NAALADL2: variants seen among roughly 807,000 people sequenced by gnomAD.
NAALADL2 encodes the protein inactive N-acetylated-alpha-linked acidic dipeptidase-like protein 2.
In NAALADL2, 76 loss-of-function variants were observed where a neutral mutation model predicts 87.2. That is an observed-to-expected ratio of 0.87 (90% CI 0.72 to 1.05). The LOEUF is 1.05. Ranked by LOEUF, NAALADL2 falls within the 50% of genes least tolerant of loss-of-function variation. The pLI is 0.00. For missense variants in NAALADL2, 1,089 were observed against 945.8 expected (o/e 1.15, Z -1.99); for synonymous variants, 354 against 331.0 (o/e 1.07, Z -0.75).
At chr3:175,604,626 A>G (rs1011707734) in intron 10 of NAALADL2, among the ~76,000 whole-genome samples, 11 of 152,010 alleles carry the variant, frequency 7.2e-5, no homozygotes, top group Middle Eastern at 6.8e-3. Context: ...AAGTCTTCCC[A>G]TTTCTTCTAC....
chr3:175,209,140 G>C (rs928373839), intron 2 of NAALADL2, among the ~76,000 whole-genome samples: 1 of 152,084 alleles, frequency 6.6e-6, no homozygotes, highest in Non-Finnish European at 1.5e-5. Flanking sequence ...GTAGGGAAAA[G>C]AACGTAAAAT....
At chr3:175,524,926 T>C (rs1192876021) in intron 9 of NAALADL2, among the ~76,000 whole-genome samples, 1 of 152,062 alleles carries the variant, frequency 6.6e-6, no homozygotes, top group Non-Finnish European at 1.5e-5. Context: ...GATAGAGAAA[T>C]ATACTAACTC....
chr3:175,591,540 C>T (rs114323632), intron 10 of NAALADL2, among the ~76,000 whole-genome samples: 1,694 of 151,792 alleles, frequency 0.011, 29 homozygotes, highest in African/African-American at 0.037. Context: ...GCATTAAGAA[C>T]AGATAAAGCT....
intron 9 of NAALADL2, among the ~76,000 whole-genome samples, chr3:175,574,487 C>G (rs893133804): frequency 6.6e-6 from 1 of 152,104 alleles, no homozygotes; most frequent in Non-Finnish European, 1.5e-5. Flanking sequence ...GTTTTCTATG[C>G]CCCAAACGAG....
intron 8 of NAALADL2, among the ~76,000 whole-genome samples, 182 bp downstream of exon 8, chr3:175,467,366 G>C (rs568051305): frequency 1.4e-5 from 2 of 148,112 alleles, no homozygotes; most frequent in Admixed American, 1.3e-4. Flanking sequence ...AGCAAACTAC[G>C]TATGACCTTC....
chr3:174,657,080 A>T (rs1251997985), intron 2 of NAALADL2, among the ~76,000 whole-genome samples: 1 of 112,144 alleles, frequency 8.9e-6, no homozygotes, highest in Non-Finnish European at 1.6e-5. Context: ...CCTAGATTGG[A>T]GTTCAACGGT....
rs1444856389 is a variant in NAALADL2, at chr3:175,013,133, T to C, written c.44-83657T>C. On this transcript the variant is annotated intron_variant, in intron 1 of 13. Transcript: ENST00000454872. Reference sequence around the variant, plus strand: ...TTATATATAAATATACATATTTATATATAAATATGTAATACATATTTATAT... The same window carrying C: ...TTATATATAAATATACATATTTATACATAAATATGTAATACATATTTATAT... 2.1e-4 allele frequency among the ~76,000 whole-genome samples: 21 copies of C among 99,836 alleles called. 3 individuals carry two copies. The highest frequency in any genetic ancestry group is 1.0e-3 in the East Asian group (4 of 3,958). The allele number at this position is 99,836 out of a possible 152,430, so 65.5% of individuals were successfully genotyped here.
chr3:174,556,277 C>G (rs973914948), intron 2 of NAALADL2, among the ~76,000 whole-genome samples: 2 of 152,036 alleles, frequency 1.3e-5, no homozygotes, highest in Non-Finnish European at 1.5e-5. Flanking sequence ...ACTATCTACT[C>G]TTGTTTTATC....
intron 1 of NAALADL2, among the ~76,000 whole-genome samples, chr3:174,458,247 A>G (rs1284086315): frequency 6.6e-6 from 1 of 152,190 alleles, no homozygotes; most frequent in African/African-American, 2.4e-5. Flanking sequence ...CCTACATTAC[A>G]TTGAGTGTCT....
chr3:174,605,473 AC>A (rs1051312279), intron 2 of NAALADL2, among the ~76,000 whole-genome samples: 42 of 152,308 alleles, frequency 2.8e-4, no homozygotes, highest in African/African-American at 1.0e-3. Context: ...CGAATACTGC[AC>A]TTTTCCGATG....
chr3:175,345,924 T>C (rs1763107124), intron 5 of NAALADL2, among the ~76,000 whole-genome samples: 1 of 152,130 alleles, frequency 6.6e-6, no homozygotes, highest in Admixed American at 6.6e-5. Flanking sequence ...AATACTGTCT[T>C]TGAAAATTTA....
chr3:175,625,053 A>C (rs1726790063), intron 10 of NAALADL2, among the ~76,000 whole-genome samples: 1 of 152,006 alleles, frequency 6.6e-6, no homozygotes, highest in African/African-American at 2.4e-5. Flanking sequence ...ATCTCTTCCA[A>C]GTCTAAAATA....
intron 1 of NAALADL2, among the ~76,000 whole-genome samples, chr3:175,015,741 T>C (rs1414374479): frequency 6.6e-6 from 1 of 152,096 alleles, no homozygotes. Flanking sequence ...ACTAATTAAA[T>C]AGAATAACTT....
intron 4 of NAALADL2, among the ~76,000 whole-genome samples, chr3:175,266,633 T>A (rs1331255544): frequency 6.6e-6 from 1 of 151,748 alleles, no homozygotes. Flanking sequence ...ATTAAACTCC[T>A]TTTATAATTC....
intron 12 of NAALADL2, among the ~76,000 whole-genome samples, chr3:175,749,890 T>C (rs1018426125): frequency 2.0e-5 from 3 of 152,178 alleles, no homozygotes; most frequent in Non-Finnish European, 4.4e-5. Flanking sequence ...AAAATGACTT[T>C]GAGCTTGTGA....
At chr3:174,973,057 A>G (rs571602134) in intron 1 of NAALADL2, among the ~76,000 whole-genome samples, 1 of 152,154 alleles carries the variant, frequency 6.6e-6, no homozygotes, top group Non-Finnish European at 1.5e-5. Flanking sequence ...CTTTGCTAGA[A>G]GGCATATAGC....
At chr3:175,118,838 C>T (rs992495136) in intron 2 of NAALADL2, among the ~76,000 whole-genome samples, 1 of 151,630 alleles carries the variant, frequency 6.6e-6, no homozygotes, top group Non-Finnish European at 1.5e-5. Flanking sequence ...ATTTCTGGGG[C>T]TTCTTAGACT....
chr3:175,585,164 A>T (rs10936853), intron 10 of NAALADL2, among the ~76,000 whole-genome samples: 39,631 of 151,312 alleles, frequency 0.26, 6,923 homozygotes, highest in African/African-American at 0.5. Flanking sequence ...TATTTACTTT[A>T]AAAAATTTTT....
intron 1 of NAALADL2, among the ~76,000 whole-genome samples, chr3:174,902,197 C>A (rs943168550): frequency 1.3e-5 from 2 of 152,104 alleles, no homozygotes; most frequent in African/African-American, 4.8e-5. Context: ...TTTATCATAT[C>A]TTTTGATATT....
Sources: allele counts gnomAD v4.1 joint callset (sites outside exome capture counted in the v4.1 genomes callset), GRCh38; gene constraint gnomAD v4.1.1; transcripts MANE v1.5; gene names NCBI Gene and HGNC (gene_info 2026-07-23, HGNC 2026-07-21).